Variants in DDX24 observed in about 807,000 individuals in gnomAD.
DDX24 encodes the protein ATP-dependent RNA helicase DDX24.
Under a neutral mutation model 68.9 loss-of-function variants are expected in DDX24, and 24 were observed. That is an observed-to-expected ratio of 0.35 (90% CI 0.25 to 0.49). The LOEUF is 0.49. Among genes scored for constraint, DDX24 ranks in the 20% least tolerant of loss-of-function variants. The pLI is 0.99. For missense variants in DDX24, 989 were observed against 1,039.0 expected (o/e 0.95, Z 0.66); for synonymous variants, 395 against 385.2 (o/e 1.03, Z -0.30).
chr14:94,077,168 G>A (rs980724521), intron 2 of DDX24, among the ~76,000 whole-genome samples: 2 of 152,164 alleles, frequency 1.3e-5, no homozygotes, highest in Non-Finnish European at 2.9e-5. Context: ...TTAAGTTTGG[G>A]GGGAGTTCAA....
chr14:94,055,060 G>A lies in DDX24; in HGVS notation c.2114C>T (p.Thr705Met), dbSNP rs779313699. The change falls in exon 7 of 9, where the codon ACG (threonine) becomes ATG (methionine). Residue 705 changes from threonine (T) to methionine (M), a missense_variant. Around this residue, in one of 3 missense-constraint regions of DDX24, gnomAD observed 691 missense variants for 760.0 expected, o/e 0.91. Transcript: ENST00000621632. Reference protein sequence around the residue: ...DVINFKKIYKTLKKDEDIPLF... With the variant: ...DVINFKKIYKMLKKDEDIPLF... ...TGGGATATCCTCATCTTTCTTGAGC[G>A]TTTTGTAAATCTTCTTAAAGTTGAT... 6.2e-6 allele frequency: 10 copies of A among 1,614,198 alleles called. No homozygotes were observed. Among genetic ancestry groups the A allele is most frequent in the South Asian group, 5.5e-5 (5 of 91,082 alleles).
intron 1 of DDX24, among the ~76,000 whole-genome samples, chr14:94,080,707 A>G (rs1886060406): frequency 6.7e-6 from 1 of 149,780 alleles, no homozygotes; most frequent in African/African-American, 2.5e-5. Flanking sequence ...AAAAAACAAA[A>G]AACAAACAAA....
chr14:94,062,725 G>A, intron 2 of DDX24, 104 bp from the exon 3 acceptor site: 7 of 1,413,252 alleles, frequency 5.0e-6, no homozygotes, highest in Non-Finnish European at 4.7e-6. Context: ...GTAGCCAAGT[G>A]CCACCCTGAC....
At chr14:94,058,884 A>C (rs1885539252) in intron 5 of DDX24, among the ~76,000 whole-genome samples, 1 of 152,218 alleles carries the variant, frequency 6.6e-6, no homozygotes, top group Non-Finnish European at 1.5e-5. Context: ...CTGCCGCAAA[A>C]GAGGATATTG....
chr14:94,073,647 A>C (rs1885877696), intron 2 of DDX24, among the ~76,000 whole-genome samples: 1 of 152,204 alleles, frequency 6.6e-6, no homozygotes, highest in African/African-American at 2.4e-5. Context: ...ATATAATAAT[A>C]ATCTAATATT....
rs1236285583 is a variant in DDX24, at chr14:94,060,905, T to C, written c.1397+8A>G. On this transcript the variant is annotated splice_region_variant and intron_variant, in intron 4 of 8. Transcript: ENST00000621632. ...AGTGAGGGGGAAAAGAGAAGTGCCA[T>C]CTATTACCTGAGCTGCCGAAGGTTC... is the stretch of plus-strand genomic sequence containing the variant. The C allele has an allele frequency of 2.5e-6, 4 of 1,613,852 alleles. No individual in the cohort carries two copies. Among genetic ancestry groups the C allele is most frequent in the Non-Finnish European group, 3.4e-6 (4 of 1,179,910 alleles).
At chr14:94,068,820 A>C (rs149663080) in intron 2 of DDX24, among the ~76,000 whole-genome samples, 1,526 of 152,332 alleles carry the variant, frequency 0.01, 38 homozygotes, top group East Asian at 0.097. Context: ...CTGAATGACA[A>C]TAATGACACA....
At chr14:94,058,856 T>TA (rs796098297) in intron 5 of DDX24, among the ~76,000 whole-genome samples, 10 of 152,354 alleles carry the variant, frequency 6.6e-5, no homozygotes, top group African/African-American at 2.2e-4. Flanking sequence ...ACACAGTCTC[T>TA]ATGGCAACTA....
intron 1 of DDX24, 98 bp downstream of exon 1, chr14:94,081,021 G>A (rs908886501): frequency 2.0e-5 from 3 of 152,262 alleles, no homozygotes; most frequent in Non-Finnish European, 2.9e-5. Context: ...CTGGACCCGG[G>A]AACCCACCGG....
chr14:94,052,722 C>A (rs1417785710), intron 8 of DDX24, among the ~76,000 whole-genome samples: 1 of 152,182 alleles, frequency 6.6e-6, no homozygotes, highest in Non-Finnish European at 1.5e-5. Context: ...GGCATTCTAA[C>A]ACAGGCAGCC....
chr14:94,060,047 T>C, intron 5 of DDX24, 51 bp downstream of exon 5: 3 of 1,548,466 alleles, frequency 1.9e-6, no homozygotes, highest in Non-Finnish European at 2.6e-6. Flanking sequence ...TGACCCCTTT[T>C]ACCCCAGTAA....
chr14:94,052,865 G>T (rs1164427002), intron 8 of DDX24, 133 bp downstream of exon 8: 3 of 1,267,150 alleles, frequency 2.4e-6, no homozygotes, highest in African/African-American at 1.5e-5. Context: ...TGGGACCAGG[G>T]CCTGTTAGCA....
At chr14:94,062,736 C>T (rs3748328) in intron 2 of DDX24, 115 bp from the exon 3 acceptor site, 418,152 of 1,265,838 alleles carry the variant, frequency 0.33, 69,513 homozygotes, top group Admixed American at 0.4. Flanking sequence ...CCACCCTGAC[C>T]GACCCAAAGC....
intron 2 of DDX24, among the ~76,000 whole-genome samples, chr14:94,075,977 A>C (rs1885931800): frequency 6.6e-6 from 1 of 152,234 alleles, no homozygotes; most frequent in African/African-American, 2.4e-5. Flanking sequence ...GAGCATACCT[A>C]GTTATTGACA....
In DDX24 at chr14:94,062,558, C is replaced by T; in HGVS notation, c.782G>A (p.Arg261Lys). 1 of 1,614,108 alleles carries T rather than the reference C, an allele frequency of 6.2e-7. No individual in the cohort carries two copies. Among genetic ancestry groups the T allele is most frequent in the Non-Finnish European group, 8.5e-7 (1 of 1,180,014 alleles). The change falls in exon 3 of 9, where the codon AGG (arginine) becomes AAG (lysine). Residue 261 changes from arginine (R) to lysine (K), a missense_variant. Arg to Lys is a conservative substitution (Grantham distance 26). This residue lies in a region of DDX24 where 691 missense variants were observed against 760.0 expected (regional missense o/e 0.91). Coordinates refer to ENST00000621632, the MANE Select transcript of DDX24 (RefSeq NM_020414.4). Reference protein sequence around the residue: ...MIHAVLQWQKRNAAPPPSNTE... With the variant: ...MIHAVLQWQKKNAAPPPSNTE... ...GTTACTTGGAGGAGGGGCAGCATTC[C>T]TCTTCTGCCACTGCAACACCGCATG...
rs576570786 is a variant in DDX24 at position 94,062,496 on chromosome 14, C to T, written c.844G>A (p.Gly282Arg). ...TTGCCTGGTGATCTAGTCTCAGCTCCGGCCTCAGTTCTGGTCTCTCCAGGT... is the reference window on the plus strand; with the variant it reads ...TTGCCTGGTGATCTAGTCTCAGCTCTGGCCTCAGTTCTGGTCTCTCCAGGT... Reference protein sequence around the residue: ...APPGETRTEAGAETRSPGKAE... With the variant: ...APPGETRTEARAETRSPGKAE... The change falls in exon 3 of 9, where the codon GGA (glycine) becomes AGA (arginine). Residue 282 changes from glycine (G) to arginine (R), a missense_variant. Physicochemically the swap from Gly to Arg is moderately radical, Grantham distance 125. Coordinates refer to ENST00000621632, the MANE Select transcript of DDX24 (RefSeq NM_020414.4). 4.2e-5 allele frequency: 68 copies of T among 1,614,148 alleles called. No individual in the cohort carries two copies. The highest frequency in any genetic ancestry group is 1.7e-4 in the African/African-American group (13 of 75,042).
intron 5 of DDX24, 127 bp from the exon 6 acceptor site, chr14:94,058,024 C>T: frequency 1.2e-6 from 1 of 827,834 alleles, no homozygotes; most frequent in Non-Finnish European, 1.8e-6. Context: ...ACTTGTATAC[C>T]CTTTTACAGA....
Position 94,079,637 on chromosome 14 carries a change from G to C in DDX24, c.106C>G (p.Pro36Ala), listed in dbSNP as rs1440611276. Residue 36 changes from proline (P) to alanine (A), a missense_variant, in exon 2 of 9, where the codon CCA becomes GCA. Transcript: ENST00000621632. ...ATCTGTCCATCTGCAAACATATTTG[G>C]GTCAATCTTCACTTCCTTCCATTTT... ...VGKWKEVKID[P>A]NMFADGQMDD... The C allele has an allele frequency of 1.2e-6, 2 of 1,613,814 alleles. No homozygotes were observed. Among genetic ancestry groups the C allele is most frequent in the Admixed American group, 3.3e-5 (2 of 59,974 alleles).
At chr14:94,071,559 AGAATCACTT>A (rs1171036703) in intron 2 of DDX24, among the ~76,000 whole-genome samples, 8 of 152,172 alleles carry the variant, frequency 5.3e-5, no homozygotes, top group Non-Finnish European at 1.2e-4. Context: ...CTGAAGCAGG[AGAATCACTT>A]GAACCTGGGA....
Sources: allele counts gnomAD v4.1 joint callset (sites outside exome capture counted in the v4.1 genomes callset), GRCh38; gene constraint gnomAD v4.1.1; regional missense constraint gnomAD v4.1.1; transcripts MANE v1.5; gene names NCBI Gene and HGNC (gene_info 2026-07-23, HGNC 2026-07-21).